The following GPSM1 variants were observed in gnomAD, a reference collection of about 807,000 sequenced individuals.
GPSM1 encodes G protein signaling modulator 1, also known as G protein-signaling modulator 1.
GPSM1 carries 48 observed loss-of-function variants against 70.5 expected under a neutral mutation model. That is an observed-to-expected ratio of 0.68 (90% CI 0.54 to 0.87). The LOEUF (loss-of-function observed/expected upper bound fraction) is 0.87, where lower values mean the gene tolerates loss of function less well. Ranked by LOEUF, GPSM1 falls within the 40% of genes least tolerant of loss-of-function variation. GPSM1 has a pLI of 0.00. For missense variants in GPSM1, 981 were observed against 972.6 expected (o/e 1.01, Z -0.11); for synonymous variants, 416 against 430.1 (o/e 0.97, Z 0.41).
At position 136,348,679 on chromosome 9, in the gene GPSM1, G is replaced by T. The variant is rs782514253; in HGVS notation, c.1208-18G>T. 6.2e-7 allele frequency: 1 copy of T among 1,602,078 alleles called. No individual in the cohort carries two copies. Among genetic ancestry groups the T allele is most frequent in the East Asian group, 2.2e-5 (1 of 44,646 alleles). On this transcript the variant is annotated intron_variant, in intron 9 of 13. Transcript: ENST00000440944. ...GTGCCAGGGTGGTGCTGGGCTGACCGGGTCCCTCTGTCTTCAGGGGCCAGA... is the reference window on the plus strand; with the variant it reads ...GTGCCAGGGTGGTGCTGGGCTGACCTGGTCCCTCTGTCTTCAGGGGCCAGA...
At chr9:136,333,472 G>A (rs1832151168) in intron 1 of GPSM1, among the ~76,000 whole-genome samples, 1 of 151,922 alleles carries the variant, frequency 6.6e-6, no homozygotes, top group Non-Finnish European at 1.5e-5. Context: ...CCAAGGCCCA[G>A]GGTGGGGGTC....
intron 11 of GPSM1, chr9:136,353,083 G>A: frequency 1.0e-6 from 1 of 985,434 alleles, no homozygotes; most frequent in Non-Finnish European, 1.2e-6. Flanking sequence ...GGCACCTTGT[G>A]TCCTGCCTGC....
rs1290760070 is a variant in GPSM1 at position 136,343,843 on chromosome 9, C to T, written c.1207+2850C>T. Among the ~76,000 whole-genome samples, 1 of 152,164 alleles carries T rather than the reference C, an allele frequency of 6.6e-6. No individual in the cohort carries two copies. Among genetic ancestry groups the T allele is most frequent in the Non-Finnish European group, 1.5e-5 (1 of 68,010 alleles). On this transcript the variant is annotated intron_variant, in intron 9 of 13. Coordinates refer to ENST00000440944, the MANE Select transcript of GPSM1 (RefSeq NM_001145638.3). The surrounding 1 kb of genome is among the most constrained non-coding windows in gnomAD (Gnocchi z 6.0). The stretch of plus-strand genomic sequence containing the variant: ...TCCGCCTGTTCCAGCAGCCCAGTGG[C>T]CCTTGGGCAGCCGCCGGGATGGAGG...
chr9:136,330,319 G>C (rs967261437), intron 1 of GPSM1, among the ~76,000 whole-genome samples: 1 of 152,102 alleles, frequency 6.6e-6, no homozygotes, highest in Non-Finnish European at 1.5e-5. Flanking sequence ...GTGTGGACTG[G>C]GCCCCCCGCA....
chr9:136,356,258 G>A lies in GPSM1; in HGVS notation c.1613-84G>A, dbSNP rs75273770. On this transcript the variant is annotated intron_variant, in intron 12 of 13. Coordinates refer to ENST00000440944, the MANE Select transcript of GPSM1 (RefSeq NM_001145638.3). Reference sequence around the variant, plus strand: ...CACAGTGGGCTGGGCTGGGCTCAGAGGTCAGAGCTCACTGTGGCCGCAGCC... The same window carrying A: ...CACAGTGGGCTGGGCTGGGCTCAGAAGTCAGAGCTCACTGTGGCCGCAGCC... 7 of 1,061,142 alleles carry A rather than the reference G, an allele frequency of 6.6e-6. No individual in the cohort carries two copies. The East Asian group carries it at 7.9e-5, about 12-fold the overall frequency. 65.7% of individuals were successfully genotyped at this position (1,061,142 alleles called of 1,614,324 possible).
rs782092540 is a variant in GPSM1 at position 136,337,948 on chromosome 9, G to A, written c.805G>A (p.Ala269Thr). ...CTTCCTGGGGCGCTTTGACGTGGCC[G>A]CCGAGTACTACAAGTAGGTGGTCCC... ...HVFLGRFDVA[A>T]EYYKKTLQLS... is the part of the protein sequence containing the mutation. The change falls in exon 6 of 14, where the codon GCC (alanine) becomes ACC (threonine). Residue 269 changes from alanine to threonine, a missense_variant. Ala to Thr is a moderately conservative substitution (Grantham distance 58). Coordinates refer to ENST00000440944, the MANE Select transcript of GPSM1 (RefSeq NM_001145638.3). The A allele has an allele frequency of 4.2e-5, 68 of 1,605,900 alleles. No individual in the cohort carries two copies. The highest frequency in any genetic ancestry group is 5.4e-5 in the Non-Finnish European group (64 of 1,174,532).
chr9:136,338,591 G>A lies in GPSM1; in HGVS notation c.855G>A (p.Gln285=), dbSNP rs782313912. The part of the protein sequence containing the change: ...TLQLSRQLRD[Q]AVEAQACYSL... ...AACTGTCTCGGCAGCTCAGGGACCA[G>A]GCAGTGGAGGCGCAGGCCTGCTACA... is the stretch of plus-strand genomic sequence containing the variant. Residue 285 remains glutamine, a synonymous_variant, in exon 7 of 14, where the codon CAG becomes CAA. Transcript: ENST00000440944. 1.9e-6 allele frequency: 3 copies of A among 1,611,444 alleles called. No individual in the cohort carries two copies. Among genetic ancestry groups the A allele is most frequent in the East Asian group, 2.2e-5 (1 of 44,856 alleles).
intron 11 of GPSM1, among the ~76,000 whole-genome samples, chr9:136,351,759 T>C (rs1554772096): frequency 1.3e-5 from 2 of 152,244 alleles, no homozygotes; most frequent in East Asian, 1.9e-4. Context: ...GCCAAGATCC[T>C]GGCCCCAGAC....
rs1209126176 is a variant in GPSM1, at chr9:136,338,642, G to A, written c.906G>A (p.Leu302=). The change falls in exon 7 of 14, where the codon CTG becomes CTA. Residue 302 remains leucine (L), a synonymous_variant. Transcript: ENST00000440944. ...CYSLGNTYTL[L]QDYERAAEYH... is the part of the protein sequence containing the mutation. ...GTCTGGGCAACACCTACACGCTGCT[G>A]CAGGACTACGAGCGCGCGGCCGAGT... is the stretch of plus-strand genomic sequence containing the variant. The A allele has an allele frequency of 1.2e-6, 2 of 1,603,372 alleles. No homozygotes were observed. Among genetic ancestry groups the A allele is most frequent in the African/African-American group, 1.3e-5 (1 of 74,866 alleles).
rs188827245 is a variant in GPSM1, at chr9:136,355,691, G to C, written c.1457G>C (p.Ser486Thr). 3 of 1,611,758 alleles carry C rather than the reference G, an allele frequency of 1.9e-6. No homozygotes were observed. The highest frequency in any genetic ancestry group is 2.5e-6 in the Non-Finnish European group (3 of 1,179,314). Residue 486 changes from serine (S) to threonine (T), a missense_variant and splice_region_variant, in exon 12 of 14, where the codon AGC (serine) becomes ACC (threonine). Physicochemically the swap from Ser to Thr is moderately conservative, Grantham distance 58. Transcript: ENST00000440944. The stretch of plus-strand genomic sequence containing the variant: ...GCGGTGACCCCACTCCCTCCCCAGA[G>C]CATCCCGAGGGCCCCGTCTTCGGAC... Reference protein sequence around the residue: ...ADVRVHVPRTSIPRAPSSDEE... With the variant: ...ADVRVHVPRTTIPRAPSSDEE...
intron 9 of GPSM1, among the ~76,000 whole-genome samples, chr9:136,345,498 G>A (rs534668180): frequency 2.0e-5 from 3 of 152,342 alleles, no homozygotes; most frequent in African/African-American, 7.2e-5. Context: ...CCGCCCTGGG[G>A]CCAGACGCAG....
chr9:136,352,139 A>G (rs28575208), intron 11 of GPSM1, among the ~76,000 whole-genome samples: 7,090 of 116,682 alleles, frequency 0.061, 1,018 homozygotes, highest in East Asian at 0.11. Flanking sequence ...TGGTGACACC[A>G]ATGCTGCGCC....
At position 136,337,889 on chromosome 9, in the gene GPSM1, G is replaced by C. The variant is rs1232710070; in HGVS notation, c.746G>C (p.Arg249Thr). The change falls in exon 6 of 14, where the codon AGG becomes ACG. Residue 249 changes from arginine (R) to threonine (T), a missense_variant. Coordinates refer to ENST00000440944, the MANE Select transcript of GPSM1 (RefSeq NM_001145638.3). ...GAGTTTGGAGACAAGGCAGCCGAGAGGAGGGCCTACAGCAACCTGGGGAAC... is the reference window on the plus strand; with the variant it reads ...GAGTTTGGAGACAAGGCAGCCGAGACGAGGGCCTACAGCAACCTGGGGAAC... Reference protein sequence around the residue: ...AKEFGDKAAERRAYSNLGNAH... With the variant: ...AKEFGDKAAETRAYSNLGNAH... 2.5e-6 allele frequency: 4 copies of C among 1,612,598 alleles called. No individual in the cohort carries two copies. The African/African-American group carries it at 5.3e-5, about 22-fold the overall frequency.
chr9:136,345,308 CGTT>C lies in GPSM1; in HGVS notation c.1208-3387_1208-3385del, dbSNP rs528483746. ...GGCGGTGCTGGGAGAAGTTTCCAAA[CGTT>C]GCCCTCGCAGGCGGGAGAGACAGGA... On this transcript the variant is annotated intron_variant, in intron 9 of 13. Transcript: ENST00000440944. Among the ~76,000 whole-genome samples, 7 of 152,332 alleles carry C rather than the reference CGTT, an allele frequency of 4.6e-5. No individual in the cohort carries two copies. The East Asian group carries it at 1.4e-3, about 29-fold the overall frequency.
intron 11 of GPSM1, among the ~76,000 whole-genome samples, chr9:136,354,306 G>A (rs1378066797): frequency 6.6e-6 from 1 of 152,214 alleles, no homozygotes; most frequent in African/African-American, 2.4e-5. Context: ...GCCGAGTCCA[G>A]CAGAAAACTG....
At chr9:136,349,843 G>A (rs1274498679) in intron 11 of GPSM1, 80 bp downstream of exon 11, 12 of 1,387,768 alleles carry the variant, frequency 8.6e-6, no homozygotes, top group Middle Eastern at 2.5e-4. Context: ...GCCAGCCAAC[G>A]GGGCCAGGTC....
chr9:136,349,450 TCTC>T (rs1365028164), intron 10 of GPSM1, 134 bp from the exon 11 acceptor site: 1 of 771,618 alleles, frequency 1.3e-6, no homozygotes, highest in Non-Finnish European at 2.0e-6. Context: ...GCCCCAGTCC[TCTC>T]CTCCTCTCTG....
At chr9:136,329,635 C>T (rs1294371169) in intron 1 of GPSM1, among the ~76,000 whole-genome samples, 3 of 152,174 alleles carry the variant, frequency 2.0e-5, no homozygotes, top group Non-Finnish European at 4.4e-5. Context: ...CCCAAGGTCT[C>T]CTCTGCCCCG....
In GPSM1 at chr9:136,343,132, GC is replaced by G. The variant is rs1177704276; in HGVS notation, c.1207+2141del. Among the ~76,000 whole-genome samples, 1 of 152,124 alleles carries G rather than the reference GC, an allele frequency of 6.6e-6. No homozygotes were observed. The highest frequency in any genetic ancestry group is 1.5e-5 in the Non-Finnish European group (1 of 68,002). On this transcript the variant is annotated intron_variant, in intron 9 of 13. Transcript: ENST00000440944. This position sits in a 1 kb window ranked among gnomAD's most constrained non-coding sequence, Gnocchi z 6.0. Reference sequence around the variant, plus strand: ...AAGTGTGTCTGGGGGTCACCACCCTGCCAGCCACTGCCCTTGTCCAGCTCCT... The same window carrying G: ...AAGTGTGTCTGGGGGTCACCACCCTGCAGCCACTGCCCTTGTCCAGCTCCT...
Sources: allele counts gnomAD v4.1 joint callset (sites outside exome capture counted in the v4.1 genomes callset), GRCh38; gene constraint gnomAD v4.1.1; non-coding constraint Gnocchi (gnomAD v3.1); transcripts MANE v1.5; gene names NCBI Gene and HGNC (gene_info 2026-07-23, HGNC 2026-07-21).